Variants in PARP15 observed in about 807,000 individuals in gnomAD.
PARP15 encodes protein mono-ADP-ribosyltransferase PARP15.
PARP15 carries 50 observed loss-of-function variants against 62.1 expected under a neutral mutation model. That is an observed-to-expected ratio of 0.81 (90% CI 0.64 to 1.02). The LOEUF (loss-of-function observed/expected upper bound fraction) is 1.02. Ranked by LOEUF, PARP15 falls within the 50% of genes least tolerant of loss-of-function variation. The probability of loss-of-function intolerance (pLI) is 0.00; values close to 1 mark genes in which losing one functional copy is unlikely to be tolerated. For missense variants in PARP15, 820 were observed against 826.5 expected (o/e 0.99, Z 0.10); for synonymous variants, 309 against 293.1 (o/e 1.05, Z -0.55).
At chr3:122,615,408 C>G (rs1935893170) in intron 4 of PARP15, 1 of 1,292,550 alleles carries the variant, frequency 7.7e-7, no homozygotes. Flanking sequence ...TGCTCACCTA[C>G]AAATACTCTA....
chr3:122,592,417 C>T (rs1933996720), intron 1 of PARP15, among the ~76,000 whole-genome samples: 1 of 151,954 alleles, frequency 6.6e-6, no homozygotes, highest in Admixed American at 6.6e-5. Flanking sequence ...GGGAAGGGAA[C>T]AGCACACACT....
Position 122,615,940 on chromosome 3 carries a change from G to A in PARP15, c.850+83G>A, listed in dbSNP as rs1488457352. On this transcript the variant is annotated intron_variant, in intron 5 of 11. Transcript: ENST00000464300. ...GGTAGTTGAAGTCCAGTAGAAGTAGGCAAAGCTAATTCACATGAAGAACAA... is the reference window on the plus strand; with the variant it reads ...GGTAGTTGAAGTCCAGTAGAAGTAGACAAAGCTAATTCACATGAAGAACAA... The A allele has an allele frequency of 4.5e-6, 6 of 1,344,826 alleles. No individual in the cohort carries two copies. The East Asian group carries it at 1.4e-4, about 32-fold the overall frequency. The allele number at this position is 1,344,826 out of a possible 1,614,324, so 83.3% of individuals were successfully genotyped here.
Position 122,625,288 on chromosome 3 carries a change from C to G in PARP15, c.1232-1539C>G, listed in dbSNP as rs184433063. Among the ~76,000 whole-genome samples, 33 of 152,204 alleles carry G rather than the reference C, an allele frequency of 2.2e-4. No homozygotes were observed. The East Asian group carries it at 3.9e-3, about 18-fold the overall frequency. On this transcript the variant is annotated intron_variant, in intron 8 of 11. Coordinates refer to ENST00000464300, the MANE Select transcript of PARP15 (RefSeq NM_001113523.3). The stretch of plus-strand genomic sequence containing the variant: ...TTGTTTTTTGAGACAGTGTCTCACT[C>G]TGTCACCCAGGCTGGAGTTCAGTGG...
chr3:122,592,031 G>C (rs1278232692), intron 1 of PARP15, among the ~76,000 whole-genome samples: 1 of 152,204 alleles, frequency 6.6e-6, no homozygotes, highest in African/African-American at 2.4e-5. Context: ...AGATGGTGTA[G>C]TGATTCCTCA....
chr3:122,606,294 A>C (rs1007424155), intron 2 of PARP15, among the ~76,000 whole-genome samples: 5 of 152,216 alleles, frequency 3.3e-5, no homozygotes, highest in Non-Finnish European at 7.3e-5. Context: ...AAGAGTTTGC[A>C]AATCTATCTC....
At chr3:122,589,876 T>C (rs1041857058) in intron 1 of PARP15, among the ~76,000 whole-genome samples, 1 of 149,402 alleles carries the variant, frequency 6.7e-6, no homozygotes, top group Admixed American at 6.8e-5. Context: ...ATGTATTATT[T>C]GTAAGGCATA....
Position 122,617,034 on chromosome 3 carries a change from T to C in PARP15, c.870T>C (p.Ser290=), listed in dbSNP as rs758858189. 1.4e-5 allele frequency: 23 copies of C among 1,614,056 alleles called. No homozygotes were observed. The highest frequency in any genetic ancestry group is 2.7e-5 in the African/African-American group (2 of 74,918). Residue 290 remains serine, a synonymous_variant, in exon 6 of 12, where the codon TCT becomes TCC. Coordinates refer to ENST00000464300, the MANE Select transcript of PARP15 (RefSeq NM_001113523.3). ...GDTQGVVGTV[S]KPCFTAYEMK... The stretch of plus-strand genomic sequence containing the variant: ...TTTCAGGTGTGGTCGGGACTGTCTC[T>C]AAGCCTTGTTTCACAGCATATGAAA...
intron 1 of PARP15, chr3:122,594,566 G>T: frequency 1.0e-6 from 1 of 979,898 alleles, no homozygotes; most frequent in Non-Finnish European, 1.2e-6. Flanking sequence ...CGTAGGGTAA[G>T]TTGAAATTGA....
chr3:122,625,267 T>G (rs756897833), intron 8 of PARP15, among the ~76,000 whole-genome samples: 1 of 152,050 alleles, frequency 6.6e-6, no homozygotes, highest in Non-Finnish European at 1.5e-5. Context: ...TTGTTGTTGT[T>G]TTTTGAGACA....
At chr3:122,617,266 A>G (rs1474897808) in intron 6 of PARP15, 102 bp downstream of exon 6, 3 of 1,242,246 alleles carry the variant, frequency 2.4e-6, no homozygotes, top group Non-Finnish European at 2.3e-6. Flanking sequence ...GTGTTGTAGA[A>G]AATATGTGGT....
chr3:122,619,073 T>C (rs1429490479), intron 6 of PARP15, among the ~76,000 whole-genome samples: 1 of 152,196 alleles, frequency 6.6e-6, no homozygotes, highest in East Asian at 1.9e-4. Context: ...ACAACTAACA[T>C]TCATTCAATA....
At chr3:122,615,245 G>A (rs1374921937) in intron 4 of PARP15, 19 of 1,284,552 alleles carry the variant, frequency 1.5e-5, no homozygotes, top group South Asian at 3.8e-5. Context: ...AAACTTCAAT[G>A]TCTGAGGTTT....
chr3:122,585,152 T>C (rs888470609), intron 1 of PARP15, among the ~76,000 whole-genome samples: 2 of 152,158 alleles, frequency 1.3e-5, no homozygotes, highest in African/African-American at 4.8e-5. Flanking sequence ...AGCCAAATAC[T>C]AAAGTACCAG....
intron 1 of PARP15, among the ~76,000 whole-genome samples, chr3:122,602,914 G>A (rs984573306): frequency 3.3e-5 from 5 of 152,182 alleles, no homozygotes; most frequent in Admixed American, 3.3e-4. Context: ...GTTGACAGTG[G>A]TGCCATTTTA....
intron 1 of PARP15, among the ~76,000 whole-genome samples, chr3:122,584,098 A>T (rs1933207532): frequency 1.3e-5 from 2 of 152,200 alleles, no homozygotes; most frequent in African/African-American, 4.8e-5. Context: ...CTCTCCAAGG[A>T]ATCACTGTCC....
At chr3:122,617,212 T>C (rs1489135540) in intron 6 of PARP15, 48 bp downstream of exon 6, 3 of 1,548,470 alleles carry the variant, frequency 1.9e-6, no homozygotes, top group Non-Finnish European at 2.7e-6. Context: ...GACTAATTTC[T>C]GGAAGGGAAA....
At position 122,577,791 on chromosome 3, in the gene PARP15, G is replaced by T; in HGVS notation, c.124G>T (p.Val42Leu). 1 of 1,550,970 alleles carries T rather than the reference G, an allele frequency of 6.4e-7. No homozygotes were observed. The highest frequency in any genetic ancestry group is 8.7e-7 in the Non-Finnish European group (1 of 1,146,714). ...RAGRDREAGSVLPAGNRGARK... is the reference protein window; with the variant it reads ...RAGRDREAGSLLPAGNRGARK... Reference sequence around the variant, plus strand: ...CGGACGAGATCGGGAGGCGGGGAGCGTGCTGCCGGCCGGGAACCGTGGGGC... The same window carrying T: ...CGGACGAGATCGGGAGGCGGGGAGCTTGCTGCCGGCCGGGAACCGTGGGGC... Residue 42 changes from valine to leucine, a missense_variant, in exon 1 of 12, where the codon GTG becomes TTG. Val to Leu is a conservative substitution (Grantham distance 32). Transcript: ENST00000464300.
chr3:122,587,175 A>G (rs552477338), intron 1 of PARP15, among the ~76,000 whole-genome samples: 1 of 152,206 alleles, frequency 6.6e-6, no homozygotes, highest in Admixed American at 6.5e-5. Context: ...AATGTACTGT[A>G]GATTATGTAT....
At chr3:122,608,780 T>C (rs1458012431) in intron 2 of PARP15, among the ~76,000 whole-genome samples, 1 of 151,844 alleles carries the variant, frequency 6.6e-6, no homozygotes, top group Non-Finnish European at 1.5e-5. Context: ...TTTTTTTTTT[T>C]TTTTTGAGAT....
Sources: allele counts gnomAD v4.1 joint callset (sites outside exome capture counted in the v4.1 genomes callset), GRCh38; gene constraint gnomAD v4.1.1; transcripts MANE v1.5; gene names NCBI Gene and HGNC (gene_info 2026-07-23, HGNC 2026-07-21).